ECHDC1: variants seen among roughly 807,000 people sequenced by gnomAD.
The protein encoded by ECHDC1 is ethylmalonyl-CoA decarboxylase 1.
Under a neutral mutation model 29.7 loss-of-function variants are expected in ECHDC1, and 29 were observed. That is an observed-to-expected ratio of 0.98 (90% CI 0.73 to 1.33). ECHDC1 has a LOEUF of 1.33. Among genes scored for constraint, ECHDC1 ranks in the 40% most tolerant of loss-of-function variants. ECHDC1 has a pLI of 0.00. For missense variants in ECHDC1, 328 were observed against 350.0 expected (o/e 0.94, Z 0.50); for synonymous variants, 126 against 123.1 (o/e 1.02, Z -0.15).
At chr6:127,307,322 A>C (rs1781514997) in intron 5 of ECHDC1, among the ~76,000 whole-genome samples, 1 of 152,158 alleles carries the variant, frequency 6.6e-6, no homozygotes, top group South Asian at 2.1e-4. Flanking sequence ...GAGCAGAAAT[A>C]AATGAAATCT....
intron 5 of ECHDC1, among the ~76,000 whole-genome samples, chr6:127,296,610 A>G (rs1467805085): frequency 6.6e-6 from 1 of 152,202 alleles, no homozygotes; most frequent in African/African-American, 2.4e-5. Flanking sequence ...AAATTGAAGG[A>G]AAAAAACAAA....
Position 127,330,981 on chromosome 6 carries a change from T to C in ECHDC1, c.48A>G (p.Lys16=), listed in dbSNP as rs752923726. 34 of 1,613,826 alleles carry C rather than the reference T, an allele frequency of 2.1e-5. No individual in the cohort carries two copies. The highest frequency in any genetic ancestry group is 2.9e-5 in the Non-Finnish European group (34 of 1,180,030). Residue 16 remains lysine (K), a synonymous_variant, in exon 2 of 6, where the codon AAA becomes AAG. Coordinates refer to ENST00000454859, the MANE Select transcript of ECHDC1 (RefSeq NM_001002030.2). The part of the protein sequence containing the change: ...LKTASLSGRT[K]LLHQTGLSLY... ...GTGACAATCCTGTTTGATGTAGCAA[T>C]TTTGTCCTTCCAGACAGAGAGGCTG...
chr6:127,308,057 CA>C (rs1186882712), intron 5 of ECHDC1, among the ~76,000 whole-genome samples: 2 of 152,054 alleles, frequency 1.3e-5, no homozygotes, highest in Non-Finnish European at 2.9e-5. Flanking sequence ...TAAATTCTGC[CA>C]AACATTTAAA....
chr6:127,330,927 C>A lies in ECHDC1; in HGVS notation c.102G>T (p.Glu34Asp). 1 of 1,614,076 alleles carries A rather than the reference C, an allele frequency of 6.2e-7. No individual in the cohort carries two copies. The highest frequency in any genetic ancestry group is 8.5e-7 in the Non-Finnish European group (1 of 1,180,010). ...GCTGAAGTGTTTTTTTCACTTCTTC[C>A]TCATAAAATCCATGGGATGTACTAT... ...SLYSTSHGFY[E>D]EEVKKTLQQF... is the part of the protein sequence containing the mutation. The change falls in exon 2 of 6, where the codon GAG becomes GAT. Residue 34 changes from glutamate to aspartate, a missense_variant. By Grantham distance (45) the Glu-to-Asp change is conservative. Coordinates refer to ENST00000454859, the MANE Select transcript of ECHDC1 (RefSeq NM_001002030.2).
intron 5 of ECHDC1, among the ~76,000 whole-genome samples, chr6:127,300,560 T>C (rs759084893): frequency 6.6e-6 from 1 of 152,182 alleles, no homozygotes; most frequent in Non-Finnish European, 1.5e-5. Flanking sequence ...TGAGAGGAAC[T>C]TGACTCACCA....
intron 3 of ECHDC1, 157 bp downstream of exon 3, chr6:127,326,845 C>T: frequency 1.4e-6 from 1 of 698,206 alleles, no homozygotes; most frequent in East Asian, 2.8e-5. Flanking sequence ...TATATTGTTC[C>T]TCCTATAATC....
At chr6:127,330,751 C>A in intron 2 of ECHDC1, 58 bp downstream of exon 2, 3 of 1,444,242 alleles carry the variant, frequency 2.1e-6, no homozygotes, top group East Asian at 2.4e-5. Flanking sequence ...GATAAAAAAA[C>A]TTGTGATAAC....
Position 127,314,876 on chromosome 6 carries a change from G to A in ECHDC1, c.437C>T (p.Ala146Val), listed in dbSNP as rs146146402. The stretch of plus-strand genomic sequence containing the variant: ...ACCCAATGCCCAACCTTGAACCAGC[G>A]CAACACTTATTAAAGGAAGTCTGTA... Reference protein sequence around the residue: ...RFMRLPLISVALVQGWALGGG... With the variant: ...RFMRLPLISVVLVQGWALGGG... Residue 146 changes from alanine (A) to valine (V), a missense_variant, in exon 5 of 6, where the codon GCG (alanine) becomes GTG (valine). Physicochemically the swap from Ala to Val is moderately conservative, Grantham distance 64. Coordinates refer to ENST00000454859, the MANE Select transcript of ECHDC1 (RefSeq NM_001002030.2). 89 of 1,611,828 alleles carry A rather than the reference G, an allele frequency of 5.5e-5. No homozygotes were observed. The highest frequency in any genetic ancestry group is 4.4e-4 in the African/African-American group (33 of 74,910).
intron 5 of ECHDC1, among the ~76,000 whole-genome samples, chr6:127,303,256 A>T (rs1341927978): frequency 9.8e-5 from 10 of 102,030 alleles, no homozygotes; most frequent in Non-Finnish European, 2.2e-4. Context: ...TATATTTATT[A>T]TAGAATATTT....
At chr6:127,317,894 C>A (rs1782526812) in intron 3 of ECHDC1, 1 of 152,224 alleles carries the variant, frequency 6.6e-6, no homozygotes, top group Non-Finnish European at 1.5e-5. Flanking sequence ...TTCTCCCACC[C>A]AAGGACTAAT....
At chr6:127,327,650 A>C (rs1388260069) in intron 2 of ECHDC1, among the ~76,000 whole-genome samples, 1 of 152,212 alleles carries the variant, frequency 6.6e-6, no homozygotes, top group African/African-American at 2.4e-5. Context: ...TAGGATGTTA[A>C]TTGAGGAAAT....
chr6:127,321,166 CAT>C (rs1259292778), intron 3 of ECHDC1, among the ~76,000 whole-genome samples: 3 of 152,140 alleles, frequency 2.0e-5, no homozygotes, highest in African/African-American at 7.2e-5. Flanking sequence ...CTAAAATTGT[CAT>C]ATATTTCAGT....
chr6:127,303,607 G>T (rs1017273671), intron 5 of ECHDC1, among the ~76,000 whole-genome samples: 27 of 152,204 alleles, frequency 1.8e-4, no homozygotes, highest in African/African-American at 6.3e-4. Context: ...TTTAAGGAAA[G>T]AAGTCATCTC....
chr6:127,295,367 CAG>C (rs1486574574), intron 5 of ECHDC1, among the ~76,000 whole-genome samples: 2 of 152,084 alleles, frequency 1.3e-5, no homozygotes, highest in Admixed American at 6.5e-5. Flanking sequence ...AGGTTGAAAA[CAG>C]ATAGGCAGGC....
At chr6:127,317,176 G>A (rs1198297256) in intron 3 of ECHDC1, among the ~76,000 whole-genome samples, 1 of 151,644 alleles carries the variant, frequency 6.6e-6, no homozygotes, top group Non-Finnish European at 1.5e-5. Flanking sequence ...TCTCATATTT[G>A]CTCTCACTTT....
chr6:127,320,684 T>G (rs946272418), intron 3 of ECHDC1, among the ~76,000 whole-genome samples: 5 of 152,304 alleles, frequency 3.3e-5, no homozygotes, highest in East Asian at 1.9e-4. Context: ...AGTCTTAATA[T>G]TTAAATATAT....
rs532220921 is a variant in ECHDC1 at position 127,296,805 on chromosome 6, G to C, written c.498-6528C>G. 1.2e-4 allele frequency among the ~76,000 whole-genome samples: 18 copies of C among 152,152 alleles called. No individual in the cohort carries two copies. The South Asian group carries it at 3.7e-3, about 32-fold the overall frequency. ...GGATCACTTGAGCTCACAAGTTTGA[G>C]ACCAGCCTGGGCAACATGACAAAAC... On this transcript the variant is annotated intron_variant, in intron 5 of 5. Transcript: ENST00000454859.
chr6:127,310,615 T>C (rs1467637901), intron 5 of ECHDC1, among the ~76,000 whole-genome samples: 2 of 152,232 alleles, frequency 1.3e-5, no homozygotes, highest in Admixed American at 6.5e-5. Flanking sequence ...ACAAAATATG[T>C]GGTTTCTTAA....
chr6:127,289,885 C>T lies in ECHDC1; in HGVS notation c.890G>A (p.Gly297Glu), dbSNP rs1166480840. The change falls in exon 6 of 6, where the codon GGA becomes GAA. Residue 297 changes from glycine to glutamate, a missense_variant. Physicochemically the swap from Gly to Glu is moderately conservative, Grantham distance 98. Transcript: ENST00000454859. ...PANLEAIAKK[G>E]KFNK ...AAAAACCAATTATTTATTAAATTTT[C>T]CTTTCTTAGCAATAGCCTCTAAATT... 6.2e-7 allele frequency: 1 copy of T among 1,605,492 alleles called. No individual in the cohort carries two copies. Among genetic ancestry groups the T allele is most frequent in the East Asian group, 2.2e-5 (1 of 44,824 alleles).
Sources: allele counts gnomAD v4.1 joint callset (sites outside exome capture counted in the v4.1 genomes callset), GRCh38; gene constraint gnomAD v4.1.1; transcripts MANE v1.5; gene names NCBI Gene and HGNC (gene_info 2026-07-23, HGNC 2026-07-21).